MIPOL1: variants seen among roughly 807,000 people sequenced by gnomAD.
MIPOL1 encodes mirror-image polydactyly 1, also known as mirror-image polydactyly gene 1 protein.
A neutral mutation model predicts 60.9 loss-of-function variants in MIPOL1; 57 were observed. The observed-to-expected ratio is 0.94, with a 90% confidence interval of 0.76 to 1.17. The LOEUF (loss-of-function observed/expected upper bound fraction) is 1.17, where lower values mean the gene tolerates loss of function less well. MIPOL1 is among the 50% of genes most tolerant of loss of function. The pLI is 0.00. For synonymous variants in MIPOL1, 179 were observed against 168.8 expected (o/e 1.06, Z -0.47); for missense variants, 551 against 511.6 (o/e 1.08, Z -0.74).
chr14:37,369,414 G>A (rs911092899), intron 9 of MIPOL1, 103 bp from the exon 10 acceptor site: 2 of 585,862 alleles, frequency 3.4e-6, no homozygotes. Flanking sequence ...AAAAAACCTT[G>A]TCTTTTAGAG....
At chr14:37,462,374 C>T (rs562161278) in intron 11 of MIPOL1, among the ~76,000 whole-genome samples, 1 of 152,316 alleles carries the variant, frequency 6.6e-6, no homozygotes, top group South Asian at 2.1e-4. Flanking sequence ...ACTTTTTCCT[C>T]CTAGGCCTGT....
At chr14:37,250,938 T>C (rs149041661) in intron 3 of MIPOL1, among the ~76,000 whole-genome samples, 15 of 152,314 alleles carry the variant, frequency 9.8e-5, no homozygotes, top group African/African-American at 2.4e-4. Flanking sequence ...ATTGATAATG[T>C]AACATATAGA....
rs1438335754 is a variant in MIPOL1, at chr14:37,271,669, G to A, written c.493+1144G>A. On this transcript the variant is annotated intron_variant, in intron 6 of 12. Transcript: ENST00000684589. ...AAAATTAATAGTTTGTTAAAAATAA[G>A]CATTTCAAATATAAATTTTGAACAA... Among the ~76,000 whole-genome samples the A allele has an allele frequency of 2.6e-5, 4 of 151,584 alleles. No individual in the cohort carries two copies. In the East Asian group the frequency reaches 7.7e-4, roughly 29 times the overall value.
At chr14:37,419,300 C>T (rs753311418) in intron 10 of MIPOL1, among the ~76,000 whole-genome samples, 2 of 152,138 alleles carry the variant, frequency 1.3e-5, no homozygotes, top group Non-Finnish European at 2.9e-5. Context: ...AAAGGAAAAA[C>T]TGTAGGGACA....
intron 11 of MIPOL1, among the ~76,000 whole-genome samples, chr14:37,461,210 G>C (rs1458137371): frequency 6.6e-6 from 1 of 152,200 alleles, no homozygotes; most frequent in Non-Finnish European, 1.5e-5. Flanking sequence ...ACAAAAGAAA[G>C]AGGTTTTTGG....
chr14:37,502,967 A>G (rs1000776290), intron 12 of MIPOL1: 5 of 152,206 alleles, frequency 3.3e-5, no homozygotes, highest in South Asian at 2.1e-4. Flanking sequence ...GGAGAACTTC[A>G]TGATGCATGC....
intron 1 of MIPOL1, among the ~76,000 whole-genome samples, chr14:37,237,371 G>T (rs1971654182): frequency 6.6e-6 from 1 of 152,154 alleles, no homozygotes; most frequent in Admixed American, 6.5e-5. Context: ...GATGGGGGAA[G>T]AGCAAGTGAA....
intron 12 of MIPOL1, chr14:37,546,014 G>A: frequency 5.2e-6 from 1 of 192,780 alleles, no homozygotes; most frequent in East Asian, 1.2e-4. Context: ...TTTTGGTTGA[G>A]GTTTTATGCT....
At chr14:37,524,156 G>T (rs1023868534) in intron 12 of MIPOL1, among the ~76,000 whole-genome samples, 4 of 152,084 alleles carry the variant, frequency 2.6e-5, no homozygotes, top group Admixed American at 2.0e-4. Flanking sequence ...ATTTCAATCC[G>T]GGATATATTC....
At chr14:37,435,156 G>T (rs1214925606) in intron 11 of MIPOL1, among the ~76,000 whole-genome samples, 1 of 152,080 alleles carries the variant, frequency 6.6e-6, no homozygotes, top group Admixed American at 6.5e-5. Flanking sequence ...GTTTGTACAC[G>T]TATACATATA....
chr14:37,430,205 A>G (rs1480570706), intron 11 of MIPOL1, among the ~76,000 whole-genome samples: 4 of 151,458 alleles, frequency 2.6e-5, no homozygotes, highest in Non-Finnish European at 4.4e-5. Context: ...CATTAATCAG[A>G]TTTTTTTTTG....
chr14:37,220,089 A>G (rs1279052638), intron 1 of MIPOL1, among the ~76,000 whole-genome samples: 1 of 151,956 alleles, frequency 6.6e-6, no homozygotes, highest in African/African-American at 2.4e-5. Flanking sequence ...TAACATTTTG[A>G]TTTTAGAATG....
intron 3 of MIPOL1, among the ~76,000 whole-genome samples, chr14:37,257,612 T>C (rs182608714): frequency 1.1e-3 from 168 of 152,254 alleles, no homozygotes; most frequent in African/African-American, 4.0e-3. Flanking sequence ...AAATCATAGC[T>C]AGGGTTCCCA....
intron 12 of MIPOL1, among the ~76,000 whole-genome samples, chr14:37,534,612 T>C (rs1243986288): frequency 6.6e-6 from 1 of 152,196 alleles, no homozygotes; most frequent in East Asian, 1.9e-4. Flanking sequence ...GGGCTTGTTA[T>C]TGGAATTGAG....
chr14:37,481,966 C>T (rs568388394), intron 11 of MIPOL1, among the ~76,000 whole-genome samples: 2 of 152,060 alleles, frequency 1.3e-5, no homozygotes, highest in South Asian at 4.1e-4. Flanking sequence ...AATGAAAGGC[C>T]AGAAACTATA....
chr14:37,345,252 C>T (rs2090865157), intron 9 of MIPOL1, among the ~76,000 whole-genome samples: 2 of 8,110 alleles, frequency 2.5e-4, no homozygotes, highest in African/African-American at 1.9e-4. Flanking sequence ...TGCAGGTGCA[C>T]GCCACAATGT....
chr14:37,232,717 CT>C (rs1321657302), intron 1 of MIPOL1, among the ~76,000 whole-genome samples: 1 of 152,122 alleles, frequency 6.6e-6, no homozygotes, highest in Non-Finnish European at 1.5e-5. Context: ...ACCAAATTCA[CT>C]TTTTTTCCTC....
At chr14:37,315,978 G>C (rs1025789160) in intron 9 of MIPOL1, among the ~76,000 whole-genome samples, 4 of 151,718 alleles carry the variant, frequency 2.6e-5, no homozygotes, top group African/African-American at 9.7e-5. Context: ...AAATGAGTGT[G>C]GTGTCAGGGA....
At chr14:37,282,747 CAA>C (rs59301708) in intron 6 of MIPOL1, among the ~76,000 whole-genome samples, 3 of 67,892 alleles carry the variant, frequency 4.4e-5, no homozygotes, top group Non-Finnish European at 7.5e-5. Context: ...GACCCTGTCT[CAA>C]AAAAAAAAAA....
Sources: gnomAD v4.1 joint callset for allele counts (sites outside exome capture counted in the v4.1 genomes callset) on GRCh38, gnomAD v4.1.1 for gene constraint, MANE v1.5 for transcripts, NCBI Gene and HGNC (gene_info 2026-07-23, HGNC 2026-07-21) for gene names.